Variants in RANBP2 observed in about 807,000 individuals in gnomAD.
The protein encoded by RANBP2 is RAN binding protein 2, also known as E3 SUMO-protein ligase RanBP2.
Under a neutral mutation model 303.6 loss-of-function variants are expected in RANBP2, and 57 were observed. The observed-to-expected ratio is 0.19, with a 90% confidence interval of 0.15 to 0.23. The LOEUF (loss-of-function observed/expected upper bound fraction) is 0.23, where lower values mean the gene tolerates loss of function less well. RANBP2 is among the 10% of genes least tolerant of loss of function. The pLI is 1.00. For missense variants in RANBP2, 3,138 were observed against 3,780.8 expected (o/e 0.83, Z 4.46); for synonymous variants, 1,167 against 1,301.5 (o/e 0.90, Z 2.23).
the RANBP2 span, among the ~76,000 whole-genome samples, chr2:109,410,429 G>A: frequency 1.4e-4 from 22 of 152,318 alleles, no homozygotes; most frequent in African/African-American, 4.3e-4. Flanking sequence ...CTGCAGCTCC[G>A]TGCACCCAGG....
the RANBP2 span, among the ~76,000 whole-genome samples, chr2:109,059,566 G>C: frequency 1.3e-5 from 2 of 149,402 alleles, no homozygotes; most frequent in Non-Finnish European, 3.0e-5. Context: ...ACAGAGCAAG[G>C]CTCCGTCTCA....
the RANBP2 span, among the ~76,000 whole-genome samples, chr2:108,818,098 G>GGGT: frequency 1.3e-5 from 2 of 152,242 alleles, no homozygotes; most frequent in East Asian, 3.9e-4. Context: ...TTGAGCCTAG[G>GGGT]GGTTTGAGAT....
chr2:108,770,765 T>G (rs1447458342), intron 20 of RANBP2, among the ~76,000 whole-genome samples: 2 of 152,256 alleles, frequency 1.3e-5, no homozygotes, highest in African/African-American at 4.8e-5. Context: ...AACTTCTAAT[T>G]AATATAAAAA....
the RANBP2 span, among the ~76,000 whole-genome samples, chr2:109,294,623 C>T: frequency 2.0e-5 from 3 of 151,670 alleles, no homozygotes; most frequent in Non-Finnish European, 4.4e-5. Context: ...TGAGAGCCAT[C>T]CTTGCATTCT....
chr2:109,625,087 C>CAAAAAAAAAAAAAAAAAA, the RANBP2 span, among the ~76,000 whole-genome samples: 3 of 60,074 alleles, frequency 5.0e-5, no homozygotes, highest in East Asian at 5.2e-4. Flanking sequence ...ACAACAACAA[C>CAAAAAAAAAAAAAAAAAA]AAAAAAAAAA....
chr2:109,760,760 C>G, the RANBP2 span, among the ~76,000 whole-genome samples: 2 of 143,388 alleles, frequency 1.4e-5, no homozygotes, highest in African/African-American at 2.5e-5. Flanking sequence ...AATGGGACCT[C>G]GAGTCACTGT....
downstream of RANBP2, chr2:108,789,013 A>G (rs1330316773): frequency 1.9e-6 from 3 of 1,599,516 alleles, no homozygotes; most frequent in African/African-American, 4.0e-5. Context: ...CAGTATCTCA[A>G]AAAACTGAGA....
At chr2:109,073,281 G>T in the RANBP2 span, among the ~76,000 whole-genome samples, 1 of 152,118 alleles carries the variant, frequency 6.6e-6, no homozygotes, top group Non-Finnish European at 1.5e-5. Flanking sequence ...ATTTAATAGA[G>T]GGGTTCAATA....
chr2:109,301,354 TTG>T, the RANBP2 span, among the ~76,000 whole-genome samples: 116 of 70,036 alleles, frequency 1.7e-3, no homozygotes, highest in Non-Finnish European at 2.9e-3. Flanking sequence ...GTGTGTGTGT[TTG>T]TGTATGTTTT....
chr2:109,624,736 C>A, the RANBP2 span, among the ~76,000 whole-genome samples: 4 of 152,102 alleles, frequency 2.6e-5, no homozygotes, highest in Non-Finnish European at 4.4e-5. Flanking sequence ...CTTCTCATTG[C>A]GTATGCTGCA....
the RANBP2 span, among the ~76,000 whole-genome samples, chr2:109,493,349 TACAA>T: frequency 0.26 from 38,294 of 147,214 alleles, 5,148 homozygotes; most frequent in East Asian, 0.51. Context: ...ACATACGTCA[TACAA>T]ACAGACACAT....
the RANBP2 span, among the ~76,000 whole-genome samples, chr2:109,060,654 TC>T: frequency 2.0e-5 from 3 of 152,200 alleles, no homozygotes; most frequent in Non-Finnish European, 2.9e-5. Context: ...AAGATGGCTC[TC>T]CCGAGGCAGC....
the RANBP2 span, chr2:109,737,527 T>C: frequency 9.0e-3 from 4,973 of 549,634 alleles, 47 homozygotes; most frequent in African/African-American, 0.029. Context: ...ACCATGGCAG[T>C]AGTGGAGGCA....
chr2:108,750,419 G>T (rs1403391172), intron 9 of RANBP2, among the ~76,000 whole-genome samples: 1 of 152,114 alleles, frequency 6.6e-6, no homozygotes, highest in Non-Finnish European at 1.5e-5. Context: ...TCAACAAAAA[G>T]TGTCTTCATT....
chr2:109,144,847 C>T, the RANBP2 span, among the ~76,000 whole-genome samples: 17 of 152,174 alleles, frequency 1.1e-4, no homozygotes, highest in Middle Eastern at 3.2e-3. Context: ...GGGCAGGGGG[C>T]GGAAGGCATG....
chr2:108,826,859 C>G, the RANBP2 span, among the ~76,000 whole-genome samples: 1 of 152,202 alleles, frequency 6.6e-6, no homozygotes, highest in Non-Finnish European at 1.5e-5. Flanking sequence ...ACAACATTGT[C>G]TGCTAATCCA....
the RANBP2 span, chr2:108,895,898 A>G: frequency 2.0e-5 from 3 of 152,354 alleles, no homozygotes; most frequent in Non-Finnish European, 4.4e-5. Flanking sequence ...CTTGAAATCT[A>G]GAATTATGCG....
chr2:108,852,711 T>C, the RANBP2 span, among the ~76,000 whole-genome samples: 2 of 152,166 alleles, frequency 1.3e-5, no homozygotes, highest in East Asian at 3.9e-4. Flanking sequence ...TGAGAACACA[T>C]GGATACATAA....
At chr2:109,032,213 G>C in the RANBP2 span, among the ~76,000 whole-genome samples, 2 of 152,064 alleles carry the variant, frequency 1.3e-5, no homozygotes, top group African/African-American at 4.8e-5. Context: ...CACTTCTAAA[G>C]TTATTACCTG....
Sources: gnomAD v4.1 joint callset for allele counts (sites outside exome capture counted in the v4.1 genomes callset) on GRCh38, gnomAD v4.1.1 for gene constraint, MANE v1.5 for transcripts, NCBI Gene and HGNC (gene_info 2026-07-23, HGNC 2026-07-21) for gene names.